The following NRG1 variants were observed in gnomAD, a reference collection of about 807,000 sequenced individuals.
The protein encoded by NRG1 is neuregulin 1, also known as pro-neuregulin-1, membrane-bound isoform.
A neutral mutation model predicts 63.8 loss-of-function variants in NRG1; 18 were observed. The observed-to-expected ratio is 0.28, with a 90% CI of 0.19 to 0.42. The LOEUF (loss-of-function observed/expected upper bound fraction) is 0.42, where lower values mean the gene tolerates loss of function less well. NRG1 is among the 10% of genes least tolerant of loss of function. The pLI, the probability that NRG1 is intolerant of heterozygous loss-of-function variation, is 1.00. For missense variants in NRG1, 762 were observed against 814.7 expected (o/e 0.94, Z 0.79); for synonymous variants, 302 against 301.3 (o/e 1.00, Z -0.02).
At chr8:32,463,393 A>G (rs961195497) in intron 1 of NRG1, among the ~76,000 whole-genome samples, 1 of 152,220 alleles carries the variant, frequency 6.6e-6, no homozygotes, top group African/African-American at 2.4e-5. Flanking sequence ...CATAATGGCT[A>G]TAACAATTTG....
At chr8:32,730,057 C>A (rs1823247253) in intron 6 of NRG1, among the ~76,000 whole-genome samples, 1 of 152,174 alleles carries the variant, frequency 6.6e-6, no homozygotes, top group Non-Finnish European at 1.5e-5. Context: ...CAGTAAAATT[C>A]TAATCTCAAT....
In NRG1 at chr8:32,350,330, C is replaced by T. The variant is rs190567774; in HGVS notation, c.38-245498C>T. On this transcript the variant is annotated intron_variant, in intron 1 of 10. Coordinates refer to the NRG1 transcript ENST00000519301. ...CAAAGTGTTAAAGAGTTTTGTTCTC[C>T]GGTATCAGGAGTTGGCCACAAATGC... is the stretch of plus-strand genomic sequence containing the variant. Among the ~76,000 whole-genome samples, 264 of 152,196 alleles carry T rather than the reference C, an allele frequency of 1.7e-3. 2 individuals carry two copies. Among genetic ancestry groups the T allele is most frequent in the Middle Eastern group, 0.01 (3 of 294 alleles).
At chr8:32,720,054 C>T (rs909708560) in intron 5 of NRG1, among the ~76,000 whole-genome samples, 1 of 151,796 alleles carries the variant, frequency 6.6e-6, no homozygotes, top group Non-Finnish European at 1.5e-5. Context: ...ATGAATTTAC[C>T]TTATGATTTC....
chr8:31,912,621 G>A (rs1366987033), intron 1 of NRG1, among the ~76,000 whole-genome samples: 2 of 140,522 alleles, frequency 1.4e-5, no homozygotes, highest in Non-Finnish European at 3.0e-5. Flanking sequence ...CTAGAATGAC[G>A]TTTGTCTATT....
At chr8:32,222,038 C>T (rs199817399) in intron 1 of NRG1, among the ~76,000 whole-genome samples, 6,788 of 111,566 alleles carry the variant, frequency 0.061, 204 homozygotes, top group African/African-American at 0.14. Context: ...CATACATACA[C>T]ACACACACAC....
chr8:32,748,341 A>ACG (rs1564098228), intron 7 of NRG1, among the ~76,000 whole-genome samples: 2 of 81,306 alleles, frequency 2.5e-5, no homozygotes, highest in Non-Finnish European at 5.8e-5. Context: ...GCGCGCGCGC[A>ACG]CACACACACA....
At chr8:32,117,392 G>A (rs1413550518) in intron 1 of NRG1, among the ~76,000 whole-genome samples, 1 of 152,020 alleles carries the variant, frequency 6.6e-6, no homozygotes, top group Non-Finnish European at 1.5e-5. Flanking sequence ...TACTTTCCAT[G>A]CATTATTTCC....
At chr8:32,298,816 CAA>C (rs1197477158) in intron 1 of NRG1, among the ~76,000 whole-genome samples, 5 of 151,016 alleles carry the variant, frequency 3.3e-5, no homozygotes, top group African/African-American at 9.7e-5. Context: ...ATCATGAGGT[CAA>C]GAGATCAAGA....
chr8:32,194,007 G>A (rs1172843481), intron 1 of NRG1, among the ~76,000 whole-genome samples: 1 of 152,218 alleles, frequency 6.6e-6, no homozygotes, highest in Non-Finnish European at 1.5e-5. Context: ...CATGTCTGTG[G>A]TTTAAGCTAC....
chr8:32,030,938 A>G (rs1162297505), intron 1 of NRG1, among the ~76,000 whole-genome samples: 1 of 152,202 alleles, frequency 6.6e-6, no homozygotes, highest in African/African-American at 2.4e-5. Flanking sequence ...TAACAACTCA[A>G]TGAAAGATAC....
chr8:32,232,085 G>GTAATTTTTT (rs201747444), intron 1 of NRG1, among the ~76,000 whole-genome samples: 2,108 of 151,706 alleles, frequency 0.014, 24 homozygotes, highest in Middle Eastern at 0.044. Context: ...TGTAATTTTT[G>GTAATTTTTT]TAGAGATGAG....
chr8:31,944,223 C>A (rs1802195324), intron 1 of NRG1, among the ~76,000 whole-genome samples: 1 of 152,098 alleles, frequency 6.6e-6, no homozygotes, highest in African/African-American at 2.4e-5. Flanking sequence ...CTTGTCTAAC[C>A]CTTTCATTTT....
At chr8:32,219,579 C>G (rs1440549391) in intron 1 of NRG1, among the ~76,000 whole-genome samples, 4 of 152,202 alleles carry the variant, frequency 2.6e-5, no homozygotes, top group Non-Finnish European at 5.9e-5. Context: ...TTTTCCTGCT[C>G]TGTTCATACA....
intron 1 of NRG1, among the ~76,000 whole-genome samples, chr8:32,153,655 G>T (rs1325080949): frequency 6.6e-6 from 1 of 152,156 alleles, no homozygotes; most frequent in Non-Finnish European, 1.5e-5. Flanking sequence ...TAGAAACTAA[G>T]AATTCCAATG....
intron 1 of NRG1, among the ~76,000 whole-genome samples, chr8:32,079,168 C>CACAG (rs1171931207): frequency 6.6e-6 from 1 of 151,696 alleles, no homozygotes; most frequent in Non-Finnish European, 1.5e-5. Flanking sequence ...CACACACACA[C>CACAG]ACACACACAC....
chr8:32,116,970 A>C (rs922528794), intron 1 of NRG1, among the ~76,000 whole-genome samples: 1 of 134,016 alleles, frequency 7.5e-6, no homozygotes, highest in South Asian at 2.5e-4. Context: ...CCCTGTCTCT[A>C]CAAAAAAAAA....
intron 5 of NRG1, chr8:32,647,716 C>T (rs759173876): frequency 3.2e-6 from 5 of 1,552,308 alleles, no homozygotes; most frequent in African/African-American, 1.4e-5. Flanking sequence ...GGAGGTGAGC[C>T]GATGGAGATT....
chr8:32,089,452 A>G (rs540093696), intron 1 of NRG1, among the ~76,000 whole-genome samples: 6 of 152,354 alleles, frequency 3.9e-5, no homozygotes, highest in African/African-American at 1.4e-4. Flanking sequence ...AGCAATAATA[A>G]TAACACTACT....
chr8:32,234,465 G>A (rs1367886953), intron 1 of NRG1, among the ~76,000 whole-genome samples: 1 of 152,088 alleles, frequency 6.6e-6, no homozygotes, highest in Non-Finnish European at 1.5e-5. Flanking sequence ...AGAAAACTGA[G>A]CCTCCCATAA....
Sources: gnomAD v4.1 joint callset for allele counts (sites outside exome capture counted in the v4.1 genomes callset) on GRCh38, gnomAD v4.1.1 for gene constraint, MANE v1.5 for transcripts, NCBI Gene and HGNC (gene_info 2026-07-23, HGNC 2026-07-21) for gene names.